MATN2: variants seen among roughly 807,000 people sequenced by gnomAD.
The protein encoded by MATN2 is matrilin-2.
A neutral mutation model predicts 103.2 loss-of-function variants in MATN2; 69 were observed. That is an observed-to-expected ratio of 0.67 (90% CI 0.55 to 0.82). The LOEUF (loss-of-function observed/expected upper bound fraction) is 0.82. Among genes scored for constraint, MATN2 ranks in the 40% least tolerant of loss-of-function variants. MATN2 has a pLI of 0.00. For missense variants in MATN2, 1,023 were observed against 1,211.5 expected, an observed-to-expected ratio of 0.84 and a Z score of 2.31; for synonymous variants, 429 against 450.2, an observed-to-expected ratio of 0.95 and a Z score of 0.60.
chr8:97,873,749 T>TC (rs1296648048), intron 1 of MATN2, among the ~76,000 whole-genome samples: 1 of 152,118 alleles, frequency 6.6e-6, no homozygotes, highest in African/African-American at 2.4e-5. Flanking sequence ...GCTTTCTCCC[T>TC]CCCCTTGAGT....
intron 2 of MATN2, among the ~76,000 whole-genome samples, chr8:97,922,551 T>C (rs1194086148): frequency 6.6e-6 from 1 of 152,238 alleles, no homozygotes; most frequent in Non-Finnish European, 1.5e-5. Flanking sequence ...ACCAGGTTGG[T>C]AGAAGGATTC....
intron 10 of MATN2, among the ~76,000 whole-genome samples, chr8:98,011,754 T>C (rs1000008860): frequency 2.6e-5 from 4 of 152,194 alleles, no homozygotes; most frequent in Non-Finnish European, 5.9e-5. Flanking sequence ...AACAACGTCT[T>C]ATGTGGAGCC....
rs1814247400 is a variant in MATN2 at position 98,036,285 on chromosome 8, T to C, written c.*573T>C. 1 of 152,168 alleles carries C rather than the reference T, an allele frequency of 6.6e-6. No homozygotes were observed. Among genetic ancestry groups the C allele is most frequent in the South Asian group, 2.1e-4 (1 of 4,834 alleles). The allele number at this position is 152,168 out of a possible 1,614,324, so 9.4% of individuals were successfully genotyped here. On this transcript the variant is annotated 3_prime_UTR_variant, in exon 19 of 19. Coordinates refer to ENST00000254898, the MANE Select transcript of MATN2 (RefSeq NM_002380.5). ...ATGTATGTATGAGAAATGGCCAACA[T>C]GCCTATGAAAAAAATGCTGAATCTC...
chr8:97,871,383 G>A (rs1373871456), intron 1 of MATN2, among the ~76,000 whole-genome samples: 4 of 152,182 alleles, frequency 2.6e-5, no homozygotes, highest in Non-Finnish European at 2.9e-5. Flanking sequence ...CAGGTCTAAC[G>A]CTGGCCTGAG....
At chr8:97,925,494 G>T (rs1809961357) in intron 2 of MATN2, among the ~76,000 whole-genome samples, 1 of 151,992 alleles carries the variant, frequency 6.6e-6, no homozygotes, top group African/African-American at 2.4e-5. Flanking sequence ...ACTTTCTAAG[G>T]TGTGTTCTTT....
intron 14 of MATN2, among the ~76,000 whole-genome samples, chr8:98,028,386 G>A (rs1417787148): frequency 6.6e-6 from 1 of 152,136 alleles, no homozygotes; most frequent in Non-Finnish European, 1.5e-5. Context: ...TTGTTGCTCA[G>A]TAAAGCCCAG....
intron 2 of MATN2, among the ~76,000 whole-genome samples, chr8:97,916,152 C>G (rs1052154565): frequency 2.0e-5 from 3 of 151,958 alleles, no homozygotes; most frequent in Admixed American, 6.6e-5. Context: ...TCACTGCAAC[C>G]TCCACCTCCT....
chr8:98,010,524 T>C (rs889800253), intron 10 of MATN2, among the ~76,000 whole-genome samples: 1 of 152,166 alleles, frequency 6.6e-6, no homozygotes, highest in African/African-American at 2.4e-5. Context: ...GAGACTGCTG[T>C]TGCAGTGCTA....
chr8:98,027,544 G>GTCGAGCC lies in MATN2; in HGVS notation c.2071_2072insTCGAGCC (p.Ala691ValfsTer55). On this transcript the variant is annotated frameshift_variant, in exon 14 of 19. Coordinates refer to ENST00000254898, the MANE Select transcript of MATN2 (RefSeq NM_002380.5). LOFTEE classifies it high-confidence loss of function. ...AGATTCCTTGACAATTTCCCCCAAA[G>GTCGAGCC]CCGCTCGAGTGGGGCTGCTCCAGTA... is the stretch of plus-strand genomic sequence containing the variant. 6.2e-7 allele frequency: 1 copy of GTCGAGCC among 1,613,918 alleles called. No homozygotes were observed. The highest frequency in any genetic ancestry group is 2.2e-5 in the East Asian group (1 of 44,852).
chr8:97,920,588 A>G (rs886455512), intron 2 of MATN2, among the ~76,000 whole-genome samples: 2 of 152,186 alleles, frequency 1.3e-5, no homozygotes, highest in African/African-American at 4.8e-5. Context: ...CATTCATGGG[A>G]AAGTTCTGGT....
Position 97,889,459 on chromosome 8 carries a change from C to CTATATATATA in MATN2, c.142+1238_142+1247dup, listed in dbSNP as rs56115197. ...AACATCTCTCTCTCTCTCTCTCTGT[C>CTATATATATA]TATATATATATATATATATATATAT... On this transcript the variant is annotated intron_variant, in intron 2 of 18. Transcript: ENST00000254898. 5.3e-3 allele frequency among the ~76,000 whole-genome samples: 648 copies of CTATATATATA among 123,268 alleles called. 14 individuals carry two copies. The highest frequency in any genetic ancestry group is 0.016 in the African/African-American group (559 of 34,616). 80.9% of individuals were successfully genotyped at this position (123,268 alleles called of 152,430 possible). A position where few individuals can be genotyped will look rare whatever the true frequency, so the allele number is the denominator to read the frequency against.
chr8:98,034,662 A>C (rs1303210854), intron 18 of MATN2, among the ~76,000 whole-genome samples: 1 of 152,046 alleles, frequency 6.6e-6, no homozygotes, highest in Non-Finnish European at 1.5e-5. Flanking sequence ...TCCCACCCCA[A>C]AGTTCTACTC....
intron 13 of MATN2, among the ~76,000 whole-genome samples, chr8:98,026,685 G>A (rs1028647367): frequency 1.3e-5 from 2 of 152,108 alleles, no homozygotes; most frequent in African/African-American, 4.8e-5. Context: ...AGTATTGGGG[G>A]GTGGGGCACA....
intron 2 of MATN2, among the ~76,000 whole-genome samples, chr8:97,895,089 T>C (rs918540173): frequency 1.3e-5 from 2 of 152,114 alleles, no homozygotes; most frequent in South Asian, 4.1e-4. Context: ...GCCAGGTTGG[T>C]CTCAAATTCC....
chr8:97,994,627 AG>A (rs766273819), intron 7 of MATN2, 25 bp downstream of exon 7: 2 of 1,605,188 alleles, frequency 1.2e-6, no homozygotes, highest in East Asian at 4.5e-5. Flanking sequence ...GAGTTGGAGA[AG>A]GGCTTGTTCT....
intron 7 of MATN2, among the ~76,000 whole-genome samples, chr8:97,995,785 C>A (rs1812563983): frequency 6.6e-6 from 1 of 152,186 alleles, no homozygotes; most frequent in African/African-American, 2.4e-5. Flanking sequence ...GGTTGCAAAT[C>A]CTGGATTTTG....
chr8:98,024,082 A>G (rs1813698147), intron 13 of MATN2, among the ~76,000 whole-genome samples: 1 of 152,220 alleles, frequency 6.6e-6, no homozygotes, highest in African/African-American at 2.4e-5. Context: ...AAGCTAATGC[A>G]TGTGGGGCTT....
chr8:97,942,211 C>A (rs1810592984), intron 4 of MATN2, among the ~76,000 whole-genome samples: 1 of 152,132 alleles, frequency 6.6e-6, no homozygotes, highest in South Asian at 2.1e-4. Context: ...TACTGAAGAG[C>A]CTTTTCATCC....
At chr8:97,949,748 A>G (rs1810882178) in intron 4 of MATN2, among the ~76,000 whole-genome samples, 1 of 152,158 alleles carries the variant, frequency 6.6e-6, no homozygotes, top group Admixed American at 6.5e-5. Flanking sequence ...ACTGAAAACA[A>G]CTCACATGTT....
Sources: allele counts gnomAD v4.1 joint callset (sites outside exome capture counted in the v4.1 genomes callset), GRCh38; gene constraint gnomAD v4.1.1; transcripts MANE v1.5; gene names NCBI Gene and HGNC (gene_info 2026-07-23, HGNC 2026-07-21).